Variants in RPH3AL observed in about 807,000 individuals in gnomAD.
The protein encoded by RPH3AL is rab effector Noc2.
RPH3AL carries 38 observed loss-of-function variants against 43.1 expected under a neutral mutation model. That is an observed-to-expected ratio of 0.88 (90% CI 0.68 to 1.15). RPH3AL has a LOEUF of 1.15. Among genes scored for constraint, RPH3AL ranks in the 50% most tolerant of loss-of-function variants. RPH3AL has a pLI of 0.00. For missense variants in RPH3AL, 462 were observed against 423.2 expected, an observed-to-expected ratio of 1.09 and a Z score of -0.81; for synonymous variants, 189 against 176.3, an observed-to-expected ratio of 1.07 and a Z score of -0.57.
rs1003658410 is a variant in RPH3AL, at chr17:289,126, C to T, written c.352-7272G>A. On this transcript the variant is annotated intron_variant, in intron 5 of 9. Transcript: ENST00000331302. The surrounding 1 kb of genome is among the most constrained non-coding windows in gnomAD (Gnocchi z 5.2). ...TAGAGGTGAACTTGGACTCGGTACT[C>T]GCCTTCTGAGCCTCACTTCCTCATC... 1.3e-5 allele frequency among the ~76,000 whole-genome samples: 2 copies of T among 152,176 alleles called. No individual in the cohort carries two copies. The highest frequency in any genetic ancestry group is 1.9e-4 in the East Asian group (1 of 5,192).
At position 283,800 on chromosome 17, in the gene RPH3AL, G is replaced by C. The variant is rs1234333740; in HGVS notation, c.352-1946C>G. Among the ~76,000 whole-genome samples, 3 of 152,108 alleles carry C rather than the reference G, an allele frequency of 2.0e-5. No homozygotes were observed. Among genetic ancestry groups the C allele is most frequent in the African/African-American group, 7.2e-5 (3 of 41,400 alleles). On this transcript the variant is annotated intron_variant, in intron 5 of 9. Transcript: ENST00000331302. The surrounding 1 kb of genome is among the most constrained non-coding windows in gnomAD (Gnocchi z 4.2). ...AGGCCACCATCCCTCACAGAGACTG[G>C]TGACTCTCCCCTTCCCCAAGAGAGC...
At position 333,349 on chromosome 17, in the gene RPH3AL, C is replaced by A; in HGVS notation, c.-37+410G>T. 1 of 1,238,646 alleles carries A rather than the reference C, an allele frequency of 8.1e-7. No individual in the cohort carries two copies. The highest frequency in any genetic ancestry group is 1.1e-6 in the Non-Finnish European group (1 of 945,408). 76.7% of individuals were successfully genotyped at this position (1,238,646 alleles called of 1,614,324 possible). ...AAACACCTTAAATTCTCACATCAGC[C>A]ACCCCCATGGCGACTCTTAACACCT... On this transcript the variant is annotated intron_variant, in intron 2 of 9. Coordinates refer to ENST00000331302, the MANE Select transcript of RPH3AL (RefSeq NM_006987.4). The surrounding 1 kb of genome is among the most constrained non-coding windows in gnomAD (Gnocchi z 4.5).
chr17:338,150 G>A (rs2045010642), intron 1 of RPH3AL, among the ~76,000 whole-genome samples: 9 of 152,198 alleles, frequency 5.9e-5, no homozygotes, highest in Admixed American at 5.9e-4. Flanking sequence ...GGCAGTCACA[G>A]AGCTGAAGGT....
chr17:343,761 A>T (rs1019823868), intron 1 of RPH3AL, among the ~76,000 whole-genome samples: 6 of 152,172 alleles, frequency 3.9e-5, no homozygotes, highest in African/African-American at 1.4e-4. Context: ...GAATGCTGCT[A>T]AACATCCCTG....
Position 347,245 on chromosome 17 carries a change from G to A in RPH3AL, c.-213+5467C>T, listed in dbSNP as rs1477759836. On this transcript the variant is annotated intron_variant, in intron 1 of 9. Coordinates refer to ENST00000331302, the MANE Select transcript of RPH3AL (RefSeq NM_006987.4). The stretch of plus-strand genomic sequence containing the variant: ...TGTGCTCCAGCCTAGGCAACAGAGC[G>A]AGACTCCGTCCCAGATTTTAAAAAA... 5.0e-5 allele frequency among the ~76,000 whole-genome samples: 4 copies of A among 79,958 alleles called. 1 individual carries two copies. Among genetic ancestry groups the A allele is most frequent in the Admixed American group, 2.1e-4 (2 of 9,450 alleles). 52.5% of individuals were successfully genotyped at this position (79,958 alleles called of 152,430 possible).
At chr17:263,735 A>G (rs1430007404) in intron 6 of RPH3AL, among the ~76,000 whole-genome samples, 2 of 152,222 alleles carry the variant, frequency 1.3e-5, no homozygotes, top group Non-Finnish European at 2.9e-5. Flanking sequence ...GAATGCAGTA[A>G]GTAAAATTTC....
chr17:280,996 C>G lies in RPH3AL; in HGVS notation c.438+772G>C, dbSNP rs572718086. 2.0e-5 allele frequency among the ~76,000 whole-genome samples: 3 copies of G among 152,338 alleles called. No individual in the cohort carries two copies. In the South Asian group the frequency reaches 6.2e-4, roughly 32 times the overall value. On this transcript the variant is annotated intron_variant, in intron 6 of 9. Transcript: ENST00000331302. ...TGCACGCCTCCTCGCCCCTCACATT[C>G]TGTCCCAGCCCTGCCTCCCCAGGGC...
chr17:317,155 A>T (rs1555521231), intron 5 of RPH3AL, among the ~76,000 whole-genome samples: 1 of 142,552 alleles, frequency 7.0e-6, no homozygotes, highest in African/African-American at 2.7e-5. Context: ...CCCCACCTCC[A>T]TTGACCTTTA....
At chr17:330,609 C>T (rs951880525) in intron 2 of RPH3AL, among the ~76,000 whole-genome samples, 17 of 152,218 alleles carry the variant, frequency 1.1e-4, no homozygotes, top group Non-Finnish European at 2.1e-4. Context: ...CACGGGGTGG[C>T]TCACGCCTGT....
At chr17:291,754 G>A (rs1421934254) in intron 5 of RPH3AL, among the ~76,000 whole-genome samples, 1 of 152,172 alleles carries the variant, frequency 6.6e-6, no homozygotes, top group East Asian at 1.9e-4. Context: ...TGACAACGAA[G>A]CTGTGTGGGG....
In RPH3AL at chr17:323,416, A is replaced by G. The variant is rs1350277392; in HGVS notation, c.78-2001T>C. On this transcript the variant is annotated intron_variant, in intron 3 of 9. Coordinates refer to ENST00000331302, the MANE Select transcript of RPH3AL (RefSeq NM_006987.4). The surrounding 1 kb of genome is among the most constrained non-coding windows in gnomAD (Gnocchi z 4.4). ...TGCCTGGACTACCTGCCTTGCTCCT[A>G]TGAACTGCACACATGCAGGGGTTCA... Among the ~76,000 whole-genome samples the G allele has an allele frequency of 1.3e-5, 2 of 152,146 alleles. No individual in the cohort carries two copies. The highest frequency in any genetic ancestry group is 1.9e-4 in the East Asian group (1 of 5,192).
At chr17:292,948 G>A (rs2151624696) in intron 5 of RPH3AL, among the ~76,000 whole-genome samples, 1 of 152,350 alleles carries the variant, frequency 6.6e-6, no homozygotes, top group South Asian at 2.1e-4. Flanking sequence ...AGAAGCCAGA[G>A]GCAAGTGGAG....
chr17:251,327 T>C (rs2041897466), intron 6 of RPH3AL, among the ~76,000 whole-genome samples: 1 of 152,146 alleles, frequency 6.6e-6, no homozygotes, highest in African/African-American at 2.4e-5. Context: ...GGTCTAAAAA[T>C]CCACAAAGTG....
At chr17:253,126 C>T (rs1275693861) in intron 6 of RPH3AL, among the ~76,000 whole-genome samples, 2 of 152,150 alleles carry the variant, frequency 1.3e-5, no homozygotes, top group Non-Finnish European at 2.9e-5. Flanking sequence ...CCACGGTGGG[C>T]TTGGGGAGAG....
In RPH3AL at chr17:225,297, C is replaced by T. The variant is rs1291238067; in HGVS notation, c.614-5561G>A. 6.6e-6 allele frequency among the ~76,000 whole-genome samples: 1 copy of T among 152,014 alleles called. No homozygotes were observed. The highest frequency in any genetic ancestry group is 1.5e-5 in the Non-Finnish European group (1 of 68,018). On this transcript the variant is annotated intron_variant, in intron 7 of 9. Coordinates refer to ENST00000331302, the MANE Select transcript of RPH3AL (RefSeq NM_006987.4). The surrounding 1 kb of genome is among the most constrained non-coding windows in gnomAD (Gnocchi z 4.4). Reference sequence around the variant, plus strand: ...TGGGGCATGGCTGTGGTCCGTGTGCCCTCTTCGTAGTACTTGAGAAATGCA... The same window carrying T: ...TGGGGCATGGCTGTGGTCCGTGTGCTCTCTTCGTAGTACTTGAGAAATGCA...
At chr17:348,383 T>A (rs1412684365) in intron 1 of RPH3AL, among the ~76,000 whole-genome samples, 1 of 152,162 alleles carries the variant, frequency 6.6e-6, no homozygotes, top group Non-Finnish European at 1.5e-5. Flanking sequence ...ACGTTTCAGT[T>A]AATAATAATG....
Position 226,378 on chromosome 17 carries a change from C to T in RPH3AL, c.614-6642G>A, listed in dbSNP as rs546204216. 3.3e-5 allele frequency among the ~76,000 whole-genome samples: 5 copies of T among 152,350 alleles called. No homozygotes were observed. In the South Asian group the frequency reaches 8.3e-4, roughly 25 times the overall value. On this transcript the variant is annotated intron_variant, in intron 7 of 9. Transcript: ENST00000331302. ...TTTATAGACCCCAAAGGGCCACAGC[C>T]GTGAAGAAGCAGGGAAGAGCCTCTC...
At chr17:329,939 C>T (rs1313733866) in intron 2 of RPH3AL, among the ~76,000 whole-genome samples, 2 of 152,216 alleles carry the variant, frequency 1.3e-5, no homozygotes, top group African/African-American at 4.8e-5. Context: ...TCAAATGTGG[C>T]ATCTGAAACC....
chr17:267,875 C>T (rs1402054077), intron 6 of RPH3AL, among the ~76,000 whole-genome samples: 1 of 152,064 alleles, frequency 6.6e-6, no homozygotes, highest in Non-Finnish European at 1.5e-5. Flanking sequence ...GGGTGTATGC[C>T]CGTGAAAGCT....
Sources: allele counts gnomAD v4.1 joint callset (sites outside exome capture counted in the v4.1 genomes callset), GRCh38; gene constraint gnomAD v4.1.1; non-coding constraint Gnocchi (gnomAD v3.1); transcripts MANE v1.5; gene names NCBI Gene and HGNC (gene_info 2026-07-23, HGNC 2026-07-21).